The following TENM3 variants were observed in gnomAD, a reference collection of about 807,000 sequenced individuals.
TENM3 encodes teneurin-3.
In TENM3, 63 loss-of-function variants were observed where a neutral mutation model predicts 255.1. The ratio of observed to expected loss-of-function variants is 0.25; its 90% CI spans 0.20 to 0.30. TENM3 has a LOEUF of 0.30. Ranked by LOEUF, TENM3 falls within the 10% of genes least tolerant of loss-of-function variation. TENM3 has a pLI of 1.00. For missense variants in TENM3, 2,929 were observed against 3,461.1 expected, an observed-to-expected ratio of 0.85 and a Z score of 3.86; for synonymous variants, 1,306 against 1,322.3, an observed-to-expected ratio of 0.99 and a Z score of 0.27.
intron 3 of TENM3, among the ~76,000 whole-genome samples, chr4:182,548,243 T>G (rs1741647333): frequency 6.6e-6 from 1 of 152,036 alleles, no homozygotes; most frequent in East Asian, 1.9e-4. Context: ...AAATATTCCC[T>G]TCTCATCTCT....
chr4:181,513,018 A>C, the TENM3 span, among the ~76,000 whole-genome samples: 161 of 152,318 alleles, frequency 1.1e-3, no homozygotes, highest in African/African-American at 3.7e-3. Flanking sequence ...GAATGCATTA[A>C]ATCTCTATTA....
chr4:182,735,007 G>A (rs1056928457), intron 16 of TENM3, among the ~76,000 whole-genome samples: 15 of 152,098 alleles, frequency 9.9e-5, no homozygotes, highest in African/African-American at 3.4e-4. Flanking sequence ...GGGTCATTCT[G>A]GAGTCACAGA....
the TENM3 span, among the ~76,000 whole-genome samples, chr4:181,830,222 C>CAA: frequency 3.3e-5 from 5 of 152,096 alleles, no homozygotes. Flanking sequence ...ATATTTTCTA[C>CAA]AAGAATTGTT....
chr4:182,576,926 C>T (rs1321656846), intron 3 of TENM3, among the ~76,000 whole-genome samples: 1 of 152,176 alleles, frequency 6.6e-6, no homozygotes, highest in East Asian at 1.9e-4. Context: ...AGGCAAGGCC[C>T]ATGAAAATCT....
the TENM3 span, among the ~76,000 whole-genome samples, chr4:182,117,611 A>G: frequency 6.6e-6 from 1 of 152,270 alleles, no homozygotes; most frequent in African/African-American, 2.4e-5. Context: ...AGCTATAGTT[A>G]TATTGATTTG....
the TENM3 span, among the ~76,000 whole-genome samples, chr4:181,503,426 A>T: frequency 6.6e-6 from 1 of 152,220 alleles, no homozygotes; most frequent in East Asian, 1.9e-4. Context: ...TTGTAGCTAT[A>T]AAATTTTCTT....
chr4:182,435,277 G>A (rs1580530401), intron 3 of TENM3, among the ~76,000 whole-genome samples: 1 of 152,136 alleles, frequency 6.6e-6, no homozygotes, highest in East Asian at 1.9e-4. Context: ...TATTGCTTCA[G>A]ACAGTCTACA....
chr4:182,394,863 G>A (rs1768692891), intron 3 of TENM3, among the ~76,000 whole-genome samples: 1 of 152,198 alleles, frequency 6.6e-6, no homozygotes, highest in African/African-American at 2.4e-5. Context: ...AGAAGTGATA[G>A]GAATATTGGA....
At chr4:181,584,912 G>C in the TENM3 span, among the ~76,000 whole-genome samples, 1 of 149,576 alleles carries the variant, frequency 6.7e-6, no homozygotes, top group East Asian at 2.0e-4. Flanking sequence ...TATTAGATTT[G>C]ATTAATCTGT....
chr4:181,894,247 C>T, the TENM3 span, among the ~76,000 whole-genome samples: 1 of 152,224 alleles, frequency 6.6e-6, no homozygotes, highest in Admixed American at 6.5e-5. Context: ...TTCTGATCAT[C>T]ATTAGCAGTA....
At chr4:181,591,627 C>T in the TENM3 span, among the ~76,000 whole-genome samples, 4 of 152,212 alleles carry the variant, frequency 2.6e-5, no homozygotes, top group African/African-American at 9.6e-5. Context: ...CAGTTGAGCG[C>T]ACATCACTGC....
At chr4:181,522,875 T>G in the TENM3 span, 1 of 997,680 alleles carries the variant, frequency 1.0e-6, no homozygotes, top group South Asian at 1.3e-5. Context: ...GTGCTGTTAT[T>G]GTGGTTGTGA....
chr4:182,018,348 T>C, the TENM3 span, among the ~76,000 whole-genome samples: 1 of 151,468 alleles, frequency 6.6e-6, no homozygotes, highest in Non-Finnish European at 1.5e-5. Flanking sequence ...ACTATTTGCC[T>C]AACTCAGAGA....
intron 3 of TENM3, among the ~76,000 whole-genome samples, chr4:182,371,257 A>ACG (rs59764590): frequency 0.063 from 9,564 of 151,530 alleles, 361 homozygotes; most frequent in Non-Finnish European, 0.077. Flanking sequence ...ACACACACAC[A>ACG]CACAGACTTT....
chr4:182,470,360 A>G (rs1300537972), intron 3 of TENM3, among the ~76,000 whole-genome samples: 2 of 152,310 alleles, frequency 1.3e-5, no homozygotes, highest in South Asian at 4.1e-4. Flanking sequence ...CATACATTCT[A>G]TTTAACCCCG....
the TENM3 span, among the ~76,000 whole-genome samples, chr4:181,467,047 G>A: frequency 7.3e-6 from 1 of 136,730 alleles, no homozygotes; most frequent in African/African-American, 2.9e-5. Context: ...TGAGAACTGG[G>A]TAATATTTTA....
At chr4:182,594,506 C>G (rs548856860) in intron 3 of TENM3, among the ~76,000 whole-genome samples, 1 of 152,154 alleles carries the variant, frequency 6.6e-6, no homozygotes, top group Non-Finnish European at 1.5e-5. Flanking sequence ...GCCTGGGCAA[C>G]ACAGCAAGAC....
the TENM3 span, among the ~76,000 whole-genome samples, chr4:181,643,287 G>A: frequency 6.6e-6 from 1 of 152,240 alleles, no homozygotes; most frequent in African/African-American, 2.4e-5. Flanking sequence ...GTGAGTGGTA[G>A]TTCACTCACG....
chr4:181,568,162 CT>C, the TENM3 span, among the ~76,000 whole-genome samples: 16,925 of 127,976 alleles, frequency 0.13, 960 homozygotes, highest in East Asian at 0.25. Flanking sequence ...CCAACTAATA[CT>C]TTTTTTTTTT....
Sources: gnomAD v4.1 joint callset for allele counts (sites outside exome capture counted in the v4.1 genomes callset) on GRCh38, gnomAD v4.1.1 for gene constraint, MANE v1.5 for transcripts, NCBI Gene and HGNC (gene_info 2026-07-23, HGNC 2026-07-21) for gene names.